TUB: variants seen among roughly 807,000 people sequenced by gnomAD.
TUB encodes the protein TUB bipartite transcription factor, also known as tubby protein homolog.
Under a neutral mutation model 59.7 loss-of-function variants are expected in TUB, and 33 were observed. The ratio of observed to expected loss-of-function variants is 0.55; its 90% CI spans 0.42 to 0.74. The LOEUF is 0.74. Ranked by LOEUF, TUB falls within the 30% of genes least tolerant of loss-of-function variation. TUB has a pLI of 0.00. For missense variants in TUB, 659 were observed against 672.0 expected, an observed-to-expected ratio of 0.98 and a Z score of 0.21; for synonymous variants, 293 against 256.4, an observed-to-expected ratio of 1.14 and a Z score of -1.36.
In TUB at chr11:8,102,728, C is replaced by T. The variant is rs1944358434; in HGVS notation, c.*1109C>T. Reference sequence around the variant, plus strand: ...TAAAGCAGGGAATATTTTAGAACCACAAGAGATCAGCAGTGGCAGGACCCT... The same window carrying T: ...TAAAGCAGGGAATATTTTAGAACCATAAGAGATCAGCAGTGGCAGGACCCT... On this transcript the variant is annotated 3_prime_UTR_variant, in exon 12 of 12. Transcript: ENST00000299506. The T allele has an allele frequency of 6.6e-6, 1 of 152,066 alleles. No homozygotes were observed. Among genetic ancestry groups the T allele is most frequent in the Non-Finnish European group, 1.5e-5 (1 of 68,036 alleles). The allele number at this position is 152,066 out of a possible 1,614,324, so 9.4% of individuals were successfully genotyped here. A position where few individuals can be genotyped will look rare whatever the true frequency, so the allele number is the denominator to read the frequency against.
Position 8,104,708 on chromosome 11 carries a change from A to G in TUB, c.*3089A>G, listed in dbSNP as rs1199066157. 1.3e-5 allele frequency: 2 copies of G among 152,132 alleles called. No homozygotes were observed. The highest frequency in any genetic ancestry group is 2.9e-5 in the Non-Finnish European group (2 of 68,034). 9.4% of individuals were successfully genotyped at this position (152,132 alleles called of 1,614,324 possible). On this transcript the variant is annotated 3_prime_UTR_variant, in exon 12 of 12. Coordinates refer to ENST00000299506, the MANE Select transcript of TUB (RefSeq NM_177972.3). Reference sequence around the variant, plus strand: ...TTCCCGCTCTGCATTGCCTGAAAAAACTGGTATGTTGCACGTATGCTTTTG... The same window carrying G: ...TTCCCGCTCTGCATTGCCTGAAAAAGCTGGTATGTTGCACGTATGCTTTTG...
At chr11:8,058,220 TAA>T (rs59581554) in intron 2 of TUB, among the ~76,000 whole-genome samples, 6,964 of 139,776 alleles carry the variant, frequency 0.05, 522 homozygotes, top group African/African-American at 0.17. Context: ...TCTCAAAAAT[TAA>T]AAAAAAAAAA....
chr11:8,081,256 T>A lies in TUB; in HGVS notation c.-255T>A, dbSNP rs1251785976. 30 of 544,112 alleles carry A rather than the reference T, an allele frequency of 5.5e-5. No individual in the cohort carries two copies. The Admixed American group carries it at 5.8e-4, about 10-fold the overall frequency. 33.7% of individuals were successfully genotyped at this position (544,112 alleles called of 1,614,324 possible). On this transcript the variant is annotated 5_prime_UTR_variant, in exon 1 of 12. Transcript: ENST00000299506. ...GGGGCGCGGGACGGTGCGGTCGGCC[T>A]CCCCGCCTCCACGCGCGCGCACGAC...
chr11:8,097,662 G>T, intron 7 of TUB, 52 bp from the exon 8 acceptor site: 1 of 1,506,104 alleles, frequency 6.6e-7, no homozygotes, highest in Non-Finnish European at 9.2e-7. Flanking sequence ...TCTCATGACT[G>T]TGTGCAGACC....
chr11:8,041,023 A>G (rs1942742279), intron 2 of TUB, among the ~76,000 whole-genome samples: 1 of 152,230 alleles, frequency 6.6e-6, no homozygotes, highest in African/African-American at 2.4e-5. Context: ...GTACTGCAGG[A>G]GAGGGAACCA....
chr11:8,100,801 G>C, intron 10 of TUB, 25 bp from the exon 11 acceptor site: 11 of 1,612,120 alleles, frequency 6.8e-6, no homozygotes, highest in Non-Finnish European at 9.3e-6. Context: ...GCCTGGGCCT[G>C]GCTCAGGTGA....
intron 2 of TUB, among the ~76,000 whole-genome samples, chr11:8,072,338 G>A (rs1204460009): frequency 2.6e-5 from 4 of 152,260 alleles, no homozygotes; most frequent in East Asian, 1.9e-4. Context: ...CCCTCCTAGA[G>A]CCTAGGCAGG....
At chr11:8,099,804 T>TG (rs151098933) in intron 9 of TUB, among the ~76,000 whole-genome samples, 5,190 of 152,032 alleles carry the variant, frequency 0.034, 139 homozygotes, top group South Asian at 0.11. Context: ...CAGAAGGAAG[T>TG]GAAAAACAGC....
At chr11:8,099,992 C>A (rs1233239806) in intron 9 of TUB, among the ~76,000 whole-genome samples, 6 of 152,186 alleles carry the variant, frequency 3.9e-5, no homozygotes, top group Non-Finnish European at 8.8e-5. Flanking sequence ...CTGGAGAGTT[C>A]TGAGCAGAGG....
intron 2 of TUB, among the ~76,000 whole-genome samples, chr11:8,049,590 G>GATAA (rs1318672540): frequency 3.2e-5 from 4 of 124,492 alleles, no homozygotes; most frequent in African/African-American, 9.9e-5. Context: ...TAGATAGATA[G>GATAA]ATAGATAGAT....
At chr11:8,062,739 C>T (rs2133777396) in intron 2 of TUB, among the ~76,000 whole-genome samples, 1 of 152,100 alleles carries the variant, frequency 6.6e-6, no homozygotes, top group South Asian at 2.1e-4. Flanking sequence ...GACTCTAGGG[C>T]AGGGCCCAGG....
intron 1 of TUB, among the ~76,000 whole-genome samples, chr11:8,032,203 C>G (rs1942584211): frequency 6.6e-6 from 1 of 152,032 alleles, no homozygotes. Flanking sequence ...CTTCTCCCCA[C>G]CCTGGACTTT....
At chr11:8,039,139 G>C (rs918401745) in intron 1 of TUB, 15 of 1,351,722 alleles carry the variant, frequency 1.1e-5, no homozygotes, top group Non-Finnish European at 1.4e-5. Flanking sequence ...TCCCCTTCCT[G>C]ATGGTGCTGC....
At chr11:8,081,647 A>T in intron 1 of TUB, 99 bp downstream of exon 1, 1 of 1,318,900 alleles carries the variant, frequency 7.6e-7, no homozygotes. Context: ...TGCCCTCCCC[A>T]CCTATCCCAG....
At chr11:8,053,929 C>T (rs900391759) in intron 2 of TUB, among the ~76,000 whole-genome samples, 1 of 151,584 alleles carries the variant, frequency 6.6e-6, no homozygotes, top group Non-Finnish European at 1.5e-5. Flanking sequence ...TCCTGGCTAA[C>T]ACGGTGAAAC....
At chr11:8,094,580 A>G (rs1004045103) in intron 4 of TUB, among the ~76,000 whole-genome samples, 1 of 152,142 alleles carries the variant, frequency 6.6e-6, no homozygotes, top group African/African-American at 2.4e-5. Flanking sequence ...CCCCATCCTT[A>G]TGCAGCCCTC....
chr11:8,099,228 G>A (rs553290591), intron 9 of TUB, among the ~76,000 whole-genome samples: 10 of 152,058 alleles, frequency 6.6e-5, no homozygotes, highest in Non-Finnish European at 1.3e-4. Context: ...TGGATTACAC[G>A]GCACTTTGTC....
At chr11:8,081,178 G>C (rs1321136325), upstream of TUB, among the ~76,000 whole-genome samples, 3 of 151,280 alleles carry the variant, frequency 2.0e-5, no homozygotes, top group Non-Finnish European at 4.4e-5. Context: ...GGCGGGGCGA[G>C]GGAGAAGGGG....
chr11:8,105,214 G>T lies in TUB; in HGVS notation c.*3595G>T, dbSNP rs61561982. ...TTCTCTAATTCCTTACCCCAGCTGC[G>T]GCATCCCTGTGTTAACTCAGGATGC... On this transcript the variant is annotated 3_prime_UTR_variant, in exon 12 of 12. Transcript: ENST00000299506. 1 of 152,036 alleles carries T rather than the reference G, an allele frequency of 6.6e-6. No individual in the cohort carries two copies. The highest frequency in any genetic ancestry group is 2.4e-5 in the African/African-American group (1 of 41,358). 9.4% of individuals were successfully genotyped at this position (152,036 alleles called of 1,614,324 possible).
Sources: gnomAD v4.1 joint callset for allele counts (sites outside exome capture counted in the v4.1 genomes callset) on GRCh38, gnomAD v4.1.1 for gene constraint, MANE v1.5 for transcripts, NCBI Gene and HGNC (gene_info 2026-07-23, HGNC 2026-07-21) for gene names.